The following PDCD2 variants were observed in gnomAD, a reference collection of about 807,000 sequenced individuals.
The protein encoded by PDCD2 is uS5 assembly chaperone PDCD2.
Under a neutral mutation model 38.1 loss-of-function variants are expected in PDCD2, and 38 were observed. That is an observed-to-expected ratio of 1.00 (90% confidence interval 0.77 to 1.31). The LOEUF is 1.31. Ranked by LOEUF, PDCD2 falls within the 50% of genes most tolerant of loss-of-function variation. The pLI is 0.00. For synonymous variants in PDCD2, 205 were observed against 168.9 expected (o/e 1.21, Z -1.66); for missense variants, 473 against 435.7 (o/e 1.09, Z -0.76).
chr6:170,581,962 T>C (rs1310611622), intron 3 of PDCD2: 3 of 594,854 alleles, frequency 5.0e-6, no homozygotes, highest in Non-Finnish European at 8.0e-6. Flanking sequence ...CTCATACAGT[T>C]CCACAGTCAC....
At position 170,584,561 on chromosome 6, in the gene PDCD2, C is replaced by A. The variant is rs1280145723; in HGVS notation, c.21G>T (p.Arg7Ser). ...ACTCGGCGAAGCCCAGCTCCACAGGCCTGGCCCCGGCGGCAGCCATGCGGG... is the reference window on the plus strand; with the variant it reads ...ACTCGGCGAAGCCCAGCTCCACAGGACTGGCCCCGGCGGCAGCCATGCGGG... MAAAGARPVELGFAESA... is the reference protein window; with the variant it reads MAAAGASPVELGFAESA... The change falls in exon 1 of 6, where the codon AGG becomes AGT. Residue 7 changes from arginine (R) to serine (S), a missense_variant. By Grantham distance (110) the Arg-to-Ser change is moderately radical (BLOSUM62 -1). Coordinates refer to ENST00000541970, the MANE Select transcript of PDCD2 (RefSeq NM_002598.4). 1.5e-6 allele frequency: 2 copies of A among 1,294,828 alleles called. No individual in the cohort carries two copies. The highest frequency in any genetic ancestry group is 4.7e-5 in the South Asian group (2 of 42,380). 80.2% of individuals were successfully genotyped at this position (1,294,828 alleles called of 1,614,324 possible).
chr6:170,584,569 C>A lies in PDCD2; in HGVS notation c.13G>T (p.Gly5Trp), dbSNP rs1041184596. The A allele has an allele frequency of 7.8e-7, 1 of 1,281,340 alleles. No individual in the cohort carries two copies. The highest frequency in any genetic ancestry group is 9.8e-7 in the Non-Finnish European group (1 of 1,017,402). 79.4% of individuals were successfully genotyped at this position (1,281,340 alleles called of 1,614,324 possible). The change falls in exon 1 of 6, where the codon GGG becomes TGG. Residue 5 changes from glycine (G) to tryptophan (W), a missense_variant. Coordinates refer to ENST00000541970, the MANE Select transcript of PDCD2 (RefSeq NM_002598.4). The part of the protein sequence containing the change: MAAA[G>W]ARPVELGFAE... ...AAGCCCAGCTCCACAGGCCTGGCCC[C>A]GGCGGCAGCCATGCGGGGCGCGGGC...
intron 3 of PDCD2, chr6:170,582,133 C>T: frequency 6.5e-7 from 1 of 1,533,500 alleles, no homozygotes; most frequent in Non-Finnish European, 8.7e-7. Flanking sequence ...TCAGTGATGT[C>T]ACGTGTTCCC....
In PDCD2 at chr6:170,584,636, T is replaced by G. The variant is rs1196159139; in HGVS notation, c.-55A>C. On this transcript the variant is annotated 5_prime_UTR_variant, in exon 1 of 6. Coordinates refer to ENST00000541970, the MANE Select transcript of PDCD2 (RefSeq NM_002598.4). ...CCACAGCTGGGTCGGAAGGCGGAAA[T>G]CGGGCGCCGGGCCGGAAGGCAAGAG... The G allele has an allele frequency of 7.4e-6, 8 of 1,076,364 alleles. No individual in the cohort carries two copies. Among genetic ancestry groups the G allele is most frequent in the Non-Finnish European group, 9.5e-6 (8 of 844,946 alleles). 66.7% of individuals were successfully genotyped at this position (1,076,364 alleles called of 1,614,324 possible).
chr6:170,579,856 G>C (rs999787743), intron 4 of PDCD2, 146 bp downstream of exon 4: 2 of 590,828 alleles, frequency 3.4e-6, no homozygotes, highest in Admixed American at 5.9e-5. Flanking sequence ...TCTGTGTGAG[G>C]AACTCCTCTA....
chr6:170,584,207 G>C (rs1779727839), intron 1 of PDCD2, 92 bp downstream of exon 1: 1 of 1,248,650 alleles, frequency 8.0e-7, no homozygotes, highest in Admixed American at 3.9e-5. Context: ...GGCGGCAGCG[G>C]TGCTTGCCGC....
chr6:170,584,415 C>A lies in PDCD2; in HGVS notation c.167G>T (p.Arg56Leu), dbSNP rs1779743158. 7.1e-7 allele frequency: 1 copy of A among 1,410,548 alleles called. No homozygotes were observed. Among genetic ancestry groups the A allele is most frequent in the East Asian group, 2.7e-5 (1 of 36,434 alleles). 87.4% of individuals were successfully genotyped at this position (1,410,548 alleles called of 1,614,324 possible). ...CACCTGCAGCAGGAAGGAGAGCGGG[C>A]GGCCGCACAGCTCGCAGGCCAGGGC... is the stretch of plus-strand genomic sequence containing the variant. ...PQALACELCG[R>L]PLSFLLQVYA... The change falls in exon 1 of 6, where the codon CGC becomes CTC. Residue 56 changes from arginine to leucine, a missense_variant. By Grantham distance (102) the Arg-to-Leu change is moderately radical. Coordinates refer to ENST00000541970, the MANE Select transcript of PDCD2 (RefSeq NM_002598.4).
chr6:170,578,458 A>G, intron 5 of PDCD2: 1 of 583,616 alleles, frequency 1.7e-6, no homozygotes, highest in Non-Finnish European at 3.0e-6. Flanking sequence ...ACAAACCAAG[A>G]TTAAACAGTA....
chr6:170,582,412 G>A, intron 3 of PDCD2: 2 of 1,463,584 alleles, frequency 1.4e-6, no homozygotes, highest in Non-Finnish European at 9.0e-7. Flanking sequence ...TATGGCTCAA[G>A]GCTCAAATTG....
At position 170,575,302 on chromosome 6, in the gene PDCD2, A is replaced by C. The variant is rs1311074329; in HGVS notation, c.*2257T>G. 1 of 151,834 alleles carries C rather than the reference A, an allele frequency of 6.6e-6. No homozygotes were observed. The allele number at this position is 151,834 out of a possible 1,614,324, so 9.4% of individuals were successfully genotyped here. A position where few individuals can be genotyped will look rare whatever the true frequency, so the allele number is the denominator to read the frequency against. Reference sequence around the variant, plus strand: ...ACACTATCACCAATATGATTGCCAAAAACACTTGGAACTTTTTTTTTTTTT... The same window carrying C: ...ACACTATCACCAATATGATTGCCAACAACACTTGGAACTTTTTTTTTTTTT... On this transcript the variant is annotated 3_prime_UTR_variant, in exon 6 of 6. Coordinates refer to ENST00000541970, the MANE Select transcript of PDCD2 (RefSeq NM_002598.4).
Position 170,576,371 on chromosome 6 carries a change from G to A in PDCD2, c.*1188C>T, listed in dbSNP as rs1276026691. On this transcript the variant is annotated 3_prime_UTR_variant, in exon 6 of 6. Coordinates refer to ENST00000541970, the MANE Select transcript of PDCD2 (RefSeq NM_002598.4). ...CTATGAAAACGTGAGGATTTATGGT[G>A]GCAATGCATTTCAGTTAACAGGGAT... The A allele has an allele frequency of 1.3e-5, 2 of 152,222 alleles. No individual in the cohort carries two copies. The highest frequency in any genetic ancestry group is 2.9e-5 in the Non-Finnish European group (2 of 68,050). The allele number at this position is 152,222 out of a possible 1,614,324, so 9.4% of individuals were successfully genotyped here. A position where few individuals can be genotyped will look rare whatever the true frequency, so the allele number is the denominator to read the frequency against.
chr6:170,578,091 C>T (rs1426859761), intron 5 of PDCD2, among the ~76,000 whole-genome samples: 4 of 152,168 alleles, frequency 2.6e-5, no homozygotes, highest in Non-Finnish European at 5.9e-5. Flanking sequence ...ACAGAAAGGA[C>T]ATCTATCAAT....
intron 4 of PDCD2, chr6:170,579,726 A>T: frequency 4.2e-6 from 1 of 236,366 alleles, no homozygotes; most frequent in African/African-American, 2.2e-5. Context: ...CATCTCATTC[A>T]TCTCCCATCC....
rs899216744 is a variant in PDCD2 at position 170,576,218 on chromosome 6, T to C, written c.*1341A>G. 3.3e-5 allele frequency: 5 copies of C among 152,254 alleles called. No individual in the cohort carries two copies. The highest frequency in any genetic ancestry group is 2.1e-4 in the South Asian group (1 of 4,834). The allele number at this position is 152,254 out of a possible 1,614,324, so 9.4% of individuals were successfully genotyped here. The stretch of plus-strand genomic sequence containing the variant: ...CTGCAGTTTCCCATATGGTGCTATG[T>C]ATAACTATCTTATACAATTAATACA... On this transcript the variant is annotated 3_prime_UTR_variant, in exon 6 of 6. Coordinates refer to ENST00000541970, the MANE Select transcript of PDCD2 (RefSeq NM_002598.4).
rs570698065 is a variant in PDCD2, at chr6:170,582,908, T to C, written c.658+149A>G. 5 of 1,473,296 alleles carry C rather than the reference T, an allele frequency of 3.4e-6. No homozygotes were observed. In the African/African-American group the frequency reaches 4.2e-5, roughly 12 times the overall value. The allele number at this position is 1,473,296 out of a possible 1,614,324, so 91.3% of individuals were successfully genotyped here. On this transcript the variant is annotated intron_variant, in intron 3 of 5. Coordinates refer to ENST00000541970, the MANE Select transcript of PDCD2 (RefSeq NM_002598.4). Reference sequence around the variant, plus strand: ...GTCAGAAAACAAAGTCCAGGAAGTATATTTTTACCTGAGGCAATATCTGAA... The same window carrying C: ...GTCAGAAAACAAAGTCCAGGAAGTACATTTTTACCTGAGGCAATATCTGAA...
At chr6:170,578,680 C>T (rs532943272) in intron 5 of PDCD2, 177 bp downstream of exon 5, 1 of 705,140 alleles carries the variant, frequency 1.4e-6, no homozygotes, top group Admixed American at 2.0e-5. Context: ...AAAAACAAGA[C>T]AGTTCCTTCC....
At chr6:170,577,815 C>A in intron 5 of PDCD2, 98 bp from the exon 6 acceptor site, 1 of 1,054,696 alleles carries the variant, frequency 9.5e-7, no homozygotes, top group Non-Finnish European at 1.4e-6. Flanking sequence ...GTCTTTCAAT[C>A]CTCATACTAC....
At position 170,584,519 on chromosome 6, in the gene PDCD2, T is replaced by G; in HGVS notation, c.63A>C (p.Arg21=). 9 of 1,366,674 alleles carry G rather than the reference T, an allele frequency of 6.6e-6. No homozygotes were observed. The highest frequency in any genetic ancestry group is 8.5e-6 in the Non-Finnish European group (9 of 1,061,932). 84.7% of individuals were successfully genotyped at this position (1,366,674 alleles called of 1,614,324 possible). ...LGFAESAPAW[R]LRSEQFPSKV... ...TGCTGGGGAACTGCTCGCTGCGCAG[T>G]CGCCACGCCGGCGCCGACTCGGCGA... Residue 21 remains arginine (R), a synonymous_variant, in exon 1 of 6, where the codon CGA becomes CGC. Transcript: ENST00000541970.
At chr6:170,582,779 C>G in intron 3 of PDCD2, 1 of 1,286,450 alleles carries the variant, frequency 7.8e-7, no homozygotes, top group African/African-American at 1.5e-5. Context: ...GATCTGCGAC[C>G]CAGAGGAACT....
Sources: gnomAD v4.1 joint callset for allele counts (sites outside exome capture counted in the v4.1 genomes callset) on GRCh38, gnomAD v4.1.1 for gene constraint, MANE v1.5 for transcripts, NCBI Gene and HGNC (gene_info 2026-07-23, HGNC 2026-07-21) for gene names.